The following UGT1A10 variants were observed in gnomAD, a reference collection of about 807,000 sequenced individuals.
UGT1A10 encodes the protein UDP glucuronosyltransferase family 1 member A10.
A neutral mutation model predicts 45.8 loss-of-function variants in UGT1A10; 49 were observed. The ratio of observed to expected loss-of-function variants is 1.07; its 90% CI spans 0.85 to 1.36. The LOEUF is 1.36. Ranked by LOEUF, UGT1A10 falls within the 40% of genes most tolerant of loss-of-function variation. The probability of loss-of-function intolerance (pLI) is 0.00; values close to 1 mark genes in which losing one functional copy is unlikely to be tolerated. For synonymous variants in UGT1A10, 284 were observed against 249.7 expected (o/e 1.14, Z -1.29); for missense variants, 745 against 668.6 (o/e 1.11, Z -1.26).
chr2:233,708,857 C>T (rs986114849), intron 1 of UGT1A10, among the ~76,000 whole-genome samples: 45 of 151,194 alleles, frequency 3.0e-4, no homozygotes, highest in African/African-American at 1.1e-3. Flanking sequence ...CTTTTTTAAT[C>T]TCTTTTATTG....
At chr2:233,687,251 G>A (rs2074829035) in intron 1 of UGT1A10, among the ~76,000 whole-genome samples, 1 of 152,154 alleles carries the variant, frequency 6.6e-6, no homozygotes, top group African/African-American at 2.4e-5. Context: ...CAAGATTAAT[G>A]ATCTTAACCA....
chr2:233,764,097 A>C (rs535493986), intron 1 of UGT1A10, among the ~76,000 whole-genome samples: 6 of 152,334 alleles, frequency 3.9e-5, no homozygotes, highest in African/African-American at 1.4e-4. Flanking sequence ...CTAAACTAAA[A>C]ATACAAAATT....
rs375641355 is a variant in UGT1A10 at position 233,663,253 on chromosome 2, C to A, written c.855+25876C>A. On this transcript the variant is annotated intron_variant, in intron 1 of 4. Coordinates refer to ENST00000344644, the MANE Select transcript of UGT1A10 (RefSeq NM_019075.4). ...TGCAATAGAGAAAGAGTAATTAATG[C>A]AGAACTAGCCGTGTGGTAGACCGGA... 2.0e-5 allele frequency among the ~76,000 whole-genome samples: 3 copies of A among 152,280 alleles called. No individual in the cohort carries two copies. The East Asian group carries it at 5.8e-4, about 29-fold the overall frequency.
Position 233,674,043 on chromosome 2 carries a change from T to C in UGT1A10, c.855+36666T>C, listed in dbSNP as rs1048014161. On this transcript the variant is annotated intron_variant, in intron 1 of 4. Transcript: ENST00000344644. ...AATAACATTCTTAGCAAATGTGTAG[T>C]TGGCTGAATCCAGATTAAACACCTA... 6.6e-5 allele frequency among the ~76,000 whole-genome samples: 10 copies of C among 152,300 alleles called. No homozygotes were observed. In the East Asian group the frequency reaches 1.9e-3, roughly 29 times the overall value.
chr2:233,670,189 G>A (rs1168689740), intron 1 of UGT1A10, among the ~76,000 whole-genome samples: 20 of 152,186 alleles, frequency 1.3e-4, no homozygotes, highest in Admixed American at 1.3e-3. Context: ...TATTCATTAA[G>A]TGGAAGTGGA....
At chr2:233,665,306 C>CT (rs1337885040) in intron 1 of UGT1A10, among the ~76,000 whole-genome samples, 1 of 152,132 alleles carries the variant, frequency 6.6e-6, no homozygotes, top group African/African-American at 2.4e-5. Context: ...CCAAATTTGT[C>CT]TTTTTGCACA....
chr2:233,760,197 G>A (rs2125980210), intron 1 of UGT1A10: 1 of 1,578,860 alleles, frequency 6.3e-7, no homozygotes, highest in Admixed American at 1.7e-5. Context: ...ACGTGACACA[G>A]TCAAACATTA....
intron 1 of UGT1A10, among the ~76,000 whole-genome samples, chr2:233,684,050 C>T (rs896888623): frequency 6.6e-6 from 1 of 152,098 alleles, no homozygotes; most frequent in African/African-American, 2.4e-5. Context: ...GGTGAAACAC[C>T]TGGTGTCTGA....
intron 1 of UGT1A10, chr2:233,743,959 C>T (rs371517697): frequency 1.3e-4 from 174 of 1,333,872 alleles, no homozygotes; most frequent in Non-Finnish European, 1.7e-4. Flanking sequence ...GCACAGCGAG[C>T]GGCAAGGCTG....
At chr2:233,742,476 C>T (rs1691992737) in intron 1 of UGT1A10, among the ~76,000 whole-genome samples, 1 of 151,926 alleles carries the variant, frequency 6.6e-6, no homozygotes, top group Non-Finnish European at 1.5e-5. Flanking sequence ...AGTAAACTCA[C>T]AACCTTCAGC....
chr2:233,741,522 A>C (rs1173490557), intron 1 of UGT1A10: 1 of 151,908 alleles, frequency 6.6e-6, no homozygotes, highest in African/African-American at 2.4e-5. Flanking sequence ...AAGCCTTAAC[A>C]GTCTGTCTTA....
rs1455493233 is a variant in UGT1A10 at position 233,637,249 on chromosome 2, G to A, written c.727G>A (p.Asp243Asn). 5 of 1,613,810 alleles carry A rather than the reference G, an allele frequency of 3.1e-6. No homozygotes were observed. The African/African-American group carries it at 4.0e-5, about 13-fold the overall frequency. The change falls in exon 1 of 5, where the codon GAT becomes AAT. Residue 243 changes from aspartate (D) to asparagine (N), a missense_variant. Transcript: ENST00000344644. The stretch of plus-strand genomic sequence containing the variant: ...TCTCCAAACCCCTGTCACGGCATAT[G>A]ATCTCTACAGTCACACATCAATTTG... The part of the protein sequence containing the change: ...EILQTPVTAY[D>N]LYSHTSIWLL...
Position 233,772,517 on chromosome 2 carries a change from A to G in UGT1A10, c.1551A>G (p.Lys517=). Residue 517 remains lysine, a synonymous_variant, in exon 5 of 5, where the codon AAA becomes AAG. Transcript: ENST00000344644. Reference sequence around the variant, plus strand: ...ATGGCTACCGGAAATGCTTGGGGAAAAAAGGGCGAGTTAAGAAAGCCCACA... The same window carrying G: ...ATGGCTACCGGAAATGCTTGGGGAAGAAAGGGCGAGTTAAGAAAGCCCACA... ...CAYGYRKCLG[K]KGRVKKAHKS... 6.2e-7 allele frequency: 1 copy of G among 1,614,222 alleles called. No homozygotes were observed. Among genetic ancestry groups the G allele is most frequent in the South Asian group, 1.1e-5 (1 of 91,086 alleles).
chr2:233,749,706 G>A (rs1034716164), intron 1 of UGT1A10, among the ~76,000 whole-genome samples: 7 of 151,828 alleles, frequency 4.6e-5, no homozygotes, highest in Non-Finnish European at 8.8e-5. Context: ...GAGGTGATTG[G>A]ATCATGGGGG....
At chr2:233,754,973 G>T in intron 1 of UGT1A10, 1 of 1,299,560 alleles carries the variant, frequency 7.7e-7, no homozygotes, top group Non-Finnish European at 1.0e-6. Flanking sequence ...ACTCCCTGAA[G>T]ACCTCGGCGG....
chr2:233,767,244 T>A, intron 2 of UGT1A10, 79 bp downstream of exon 2: 13 of 1,606,204 alleles, frequency 8.1e-6, no homozygotes, highest in Non-Finnish European at 1.1e-5. Context: ...CCAGATTAAT[T>A]CTCTTAATTG....
rs2075952118 is a variant in UGT1A10 at position 233,707,254 on chromosome 2, T to C, written c.856-59780T>C. Among the ~76,000 whole-genome samples, 5 of 152,178 alleles carry C rather than the reference T, an allele frequency of 3.3e-5. No individual in the cohort carries two copies. In the South Asian group the frequency reaches 1.0e-3, roughly 32 times the overall value. On this transcript the variant is annotated intron_variant, in intron 1 of 4. Coordinates refer to ENST00000344644, the MANE Select transcript of UGT1A10 (RefSeq NM_019075.4). The stretch of plus-strand genomic sequence containing the variant: ...ATGATTATTTCTCTTGTGTTTTTCT[T>C]CATCAGCATTTATTTTAAGTTCCAG...
chr2:233,762,985 T>A (rs544731123), intron 1 of UGT1A10, among the ~76,000 whole-genome samples: 2 of 152,238 alleles, frequency 1.3e-5, no homozygotes, highest in Non-Finnish European at 2.9e-5. Flanking sequence ...GCTATTTTAG[T>A]GGAAATTGAT....
At chr2:233,731,751 G>A (rs1484667687) in intron 1 of UGT1A10, among the ~76,000 whole-genome samples, 2 of 152,152 alleles carry the variant, frequency 1.3e-5, no homozygotes, top group Non-Finnish European at 2.9e-5. Context: ...ACATACGTGT[G>A]CATGTGTCCT....
Sources: gnomAD v4.1 joint callset for allele counts (sites outside exome capture counted in the v4.1 genomes callset) on GRCh38, gnomAD v4.1.1 for gene constraint, MANE v1.5 for transcripts, NCBI Gene and HGNC (gene_info 2026-07-23, HGNC 2026-07-21) for gene names.